The following SCAF8 variants were observed in gnomAD, a reference collection of about 807,000 sequenced individuals.
SCAF8 encodes the protein SR-related CTD associated factor 8.
In SCAF8, 23 loss-of-function variants were observed where a neutral mutation model predicts 140.5. The observed-to-expected ratio is 0.16, with a 90% CI of 0.12 to 0.23. The LOEUF is 0.23. Among genes scored for constraint, SCAF8 ranks in the 10% least tolerant of loss-of-function variants. The probability of loss-of-function intolerance (pLI) is 1.00; values close to 1 mark genes in which losing one functional copy is unlikely to be tolerated. For missense variants in SCAF8, 1,397 were observed against 1,555.7 expected (o/e 0.90, Z 1.72); for synonymous variants, 575 against 528.9 (o/e 1.09, Z -1.20).
intron 12 of SCAF8, among the ~76,000 whole-genome samples, chr6:154,814,754 C>T (rs977101626): frequency 6.6e-6 from 1 of 152,150 alleles, no homozygotes; most frequent in Non-Finnish European, 1.5e-5. Flanking sequence ...AGGAGGCATT[C>T]GTGGAGGCAT....
At chr6:154,783,171 C>G (rs1316372552) in intron 3 of SCAF8, among the ~76,000 whole-genome samples, 1 of 152,172 alleles carries the variant, frequency 6.6e-6, no homozygotes, top group Non-Finnish European at 1.5e-5. Context: ...ATGAAATCCT[C>G]AGCTCTGTTC....
chr6:154,755,356 C>T (rs1562428708), intron 1 of SCAF8, among the ~76,000 whole-genome samples: 1 of 152,022 alleles, frequency 6.6e-6, no homozygotes, highest in African/African-American at 2.4e-5. Context: ...TGGGTTCAAG[C>T]GATTCTCGTG....
rs11406318 is a variant in SCAF8, at chr6:154,735,519, C to CTTTTT, written c.30+1601_30+1605dup. 4.4e-5 allele frequency among the ~76,000 whole-genome samples: 6 copies of CTTTTT among 135,530 alleles called. No homozygotes were observed. The East Asian group carries it at 6.3e-4, about 14-fold the overall frequency. 88.9% of individuals were successfully genotyped at this position (135,530 alleles called of 152,430 possible). A position where few individuals can be genotyped will look rare whatever the true frequency, so the allele number is the denominator to read the frequency against. On this transcript the variant is annotated intron_variant, in intron 1 of 19. Transcript: ENST00000367178. The stretch of plus-strand genomic sequence containing the variant: ...TTAGAGCAATAGACTTGGGAATCTT[C>CTTTTT]TTTTTTTTTTTTTTTTGAGACAGAG...
At chr6:154,735,783 A>T (rs1396661250) in intron 1 of SCAF8, among the ~76,000 whole-genome samples, 2 of 151,654 alleles carry the variant, frequency 1.3e-5, no homozygotes, top group Non-Finnish European at 2.9e-5. Context: ...CAAAGTGCTG[A>T]GATTATGGGC....
chr6:154,787,824 C>G, intron 3 of SCAF8, 37 bp from the exon 4 acceptor site: 2 of 1,547,754 alleles, frequency 1.3e-6, no homozygotes, highest in Non-Finnish European at 1.8e-6. Context: ...TTTACCTTTC[C>G]GTTTCCTTTC....
rs368516021 is a variant in SCAF8 at position 154,733,960 on chromosome 6, C to T, written c.30+30C>T. 39 of 1,514,394 alleles carry T rather than the reference C, an allele frequency of 2.6e-5. No individual in the cohort carries two copies. The South Asian group carries it at 3.3e-4, about 13-fold the overall frequency. 93.8% of individuals were successfully genotyped at this position (1,514,394 alleles called of 1,614,324 possible). A position where few individuals can be genotyped will look rare whatever the true frequency, so the allele number is the denominator to read the frequency against. On this transcript the variant is annotated intron_variant, in intron 1 of 19. Coordinates refer to ENST00000367178, the MANE Select transcript of SCAF8 (RefSeq NM_014892.5). The stretch of plus-strand genomic sequence containing the variant: ...GTATGGCAGCCGGGTTCCCCTGCTC[C>T]TGCCCGCACCGCCCCCACCCCTGGT...
At chr6:154,796,676 C>CA (rs1777618152) in intron 6 of SCAF8, among the ~76,000 whole-genome samples, 2 of 151,928 alleles carry the variant, frequency 1.3e-5, no homozygotes, top group South Asian at 4.1e-4. Context: ...TGAACTTAAT[C>CA]AAAAAACCTC....
At chr6:154,749,709 C>T (rs760179630) in intron 1 of SCAF8, among the ~76,000 whole-genome samples, 2 of 152,030 alleles carry the variant, frequency 1.3e-5, no homozygotes, top group Non-Finnish European at 2.9e-5. Flanking sequence ...ATAATTGAGC[C>T]TGGGTTTTCT....
intron 3 of SCAF8, among the ~76,000 whole-genome samples, chr6:154,785,224 G>T (rs561150505): frequency 6.6e-6 from 1 of 152,058 alleles, no homozygotes; most frequent in African/African-American, 2.4e-5. Context: ...GTGAATAGAC[G>T]GCAGCTTGCC....
chr6:154,822,200 GAAAT>G (rs780734821), intron 15 of SCAF8, 72 bp from the exon 16 acceptor site: 32 of 1,461,812 alleles, frequency 2.2e-5, no homozygotes, highest in Admixed American at 4.1e-5. Context: ...ATTTAGATGT[GAAAT>G]AAATGAATAC....
intron 2 of SCAF8, among the ~76,000 whole-genome samples, chr6:154,776,997 A>G (rs376335130): frequency 3.0e-4 from 46 of 152,348 alleles, no homozygotes; most frequent in Middle Eastern, 3.4e-3. Context: ...CCTGGCCAAC[A>G]TGGCGAAACC....
At chr6:154,741,913 T>G (rs1562421524) in intron 1 of SCAF8, 1 of 1,374,210 alleles carries the variant, frequency 7.3e-7, no homozygotes, top group Admixed American at 2.0e-5. Flanking sequence ...TCATTTTGTC[T>G]GGTTTTGTGT....
At chr6:154,740,753 G>A (rs1038986027) in intron 1 of SCAF8, among the ~76,000 whole-genome samples, 1 of 151,724 alleles carries the variant, frequency 6.6e-6, no homozygotes, top group South Asian at 2.1e-4. Context: ...TGAGTAGCTG[G>A]AACCACAGGC....
chr6:154,733,606 AG>A lies in SCAF8; in HGVS notation c.-293del, dbSNP rs1778319696. 7.8e-7 allele frequency: 1 copy of A among 1,289,806 alleles called. No homozygotes were observed. The highest frequency in any genetic ancestry group is 9.8e-7 in the Non-Finnish European group (1 of 1,022,616). The allele number at this position is 1,289,806 out of a possible 1,614,324, so 79.9% of individuals were successfully genotyped here. The stretch of plus-strand genomic sequence containing the variant: ...GAAACGGAGCGGGGCAGAGAAGAGA[AG>A]GCGCCGCGGCCCAGCCCCTCCCCCG... On this transcript the variant is annotated 5_prime_UTR_variant, in exon 1 of 20. Transcript: ENST00000367178.
At chr6:154,770,394 TC>T (rs1776710345) in intron 1 of SCAF8, among the ~76,000 whole-genome samples, 1 of 37,728 alleles carries the variant, frequency 2.7e-5, no homozygotes, top group African/African-American at 2.4e-4. Flanking sequence ...ACACACTCTC[TC>T]TCTCTCTCTC....
At chr6:154,739,144 C>G (rs1765894987) in intron 1 of SCAF8, among the ~76,000 whole-genome samples, 1 of 152,088 alleles carries the variant, frequency 6.6e-6, no homozygotes, top group Non-Finnish European at 1.5e-5. Context: ...TGCCACTATG[C>G]ACACCTAATT....
At chr6:154,809,768 A>T (rs1359068631) in intron 11 of SCAF8, among the ~76,000 whole-genome samples, 1 of 152,270 alleles carries the variant, frequency 6.6e-6, no homozygotes, top group Middle Eastern at 3.4e-3. Context: ...CCTTTCTAGA[A>T]TCTTTTTCCT....
intron 3 of SCAF8, among the ~76,000 whole-genome samples, chr6:154,778,978 T>G (rs1328418158): frequency 6.6e-6 from 1 of 152,192 alleles, no homozygotes; most frequent in Non-Finnish European, 1.5e-5. Context: ...TTGTTCTGAT[T>G]AAAGATCTTT....
intron 1 of SCAF8, among the ~76,000 whole-genome samples, chr6:154,763,135 C>G (rs9322476): frequency 0.59 from 89,703 of 152,020 alleles, 28,568 homozygotes; most frequent in East Asian, 0.91. Context: ...GGAAGTTTGT[C>G]ACATCTCTGC....
Sources: gnomAD v4.1 joint callset for allele counts (sites outside exome capture counted in the v4.1 genomes callset) on GRCh38, gnomAD v4.1.1 for gene constraint, MANE v1.5 for transcripts, NCBI Gene and HGNC (gene_info 2026-07-23, HGNC 2026-07-21) for gene names.